The following EEA1 variants were observed in gnomAD, a reference collection of about 807,000 sequenced individuals.
The protein encoded by EEA1 is early endosome antigen 1, 162kD.
A neutral mutation model predicts 209.2 loss-of-function variants in EEA1; 111 were observed. The ratio of observed to expected loss-of-function variants is 0.53; its 90% CI spans 0.45 to 0.62. The LOEUF (loss-of-function observed/expected upper bound fraction) is 0.62, where lower values mean the gene tolerates loss of function less well. Among genes scored for constraint, EEA1 ranks in the 20% least tolerant of loss-of-function variants. The pLI, the probability that EEA1 is intolerant of heterozygous loss-of-function variation, is 0.00. For synonymous variants in EEA1, 536 were observed against 540.6 expected (o/e 0.99, Z 0.12); for missense variants, 1,343 against 1,530.8 (o/e 0.88, Z 2.05).
rs746654891 is a variant in EEA1, at chr12:92,801,694, G to A, written c.2678C>T (p.Thr893Ile). The A allele has an allele frequency of 2.1e-5, 33 of 1,576,678 alleles. No individual in the cohort carries two copies. The highest frequency in any genetic ancestry group is 2.8e-5 in the Non-Finnish European group (33 of 1,166,096). Residue 893 changes from threonine to isoleucine, a missense_variant, in exon 20 of 29, where the codon ACT becomes ATT. Physicochemically the swap from Thr to Ile is moderately conservative, Grantham distance 89 (BLOSUM62 -1). Coordinates refer to ENST00000322349, the MANE Select transcript of EEA1 (RefSeq NM_003566.4). ...GKAAILDLEKTCKELKHQLQV... is the reference protein window; with the variant it reads ...GKAAILDLEKICKELKHQLQV... ...AAGTTGATGCTTTAATTCTTTGCAA[G>A]TTTTTTCCTTAAAAAAAATGAAAAC...
At chr12:92,893,678 C>T (rs61257642) in intron 1 of EEA1, among the ~76,000 whole-genome samples, 39,192 of 151,612 alleles carry the variant, frequency 0.26, 5,563 homozygotes, top group Non-Finnish European at 0.32. Context: ...AGAAATATTC[C>T]AAAATTCAAA....
chr12:92,903,598 CA>C (rs1009767907), intron 1 of EEA1, among the ~76,000 whole-genome samples: 24 of 125,748 alleles, frequency 1.9e-4, no homozygotes, highest in Non-Finnish European at 2.2e-4. Context: ...AACTCCATCT[CA>C]AAAAAAAAAG....
At chr12:92,860,633 G>A (rs982297479) in intron 3 of EEA1, among the ~76,000 whole-genome samples, 2 of 152,052 alleles carry the variant, frequency 1.3e-5, no homozygotes, top group Non-Finnish European at 2.9e-5. Context: ...GAAAAACCTT[G>A]GGTTTGACCT....
At chr12:92,842,422 C>T (rs1413744343) in intron 10 of EEA1, 43 bp downstream of exon 10, 1 of 929,722 alleles carries the variant, frequency 1.1e-6, no homozygotes, top group Non-Finnish European at 1.7e-6. Context: ...ATTTAAAATA[C>T]ATAAAATCAA....
chr12:92,862,124 ATGTCATCCACAG>A (rs1411657417), intron 3 of EEA1, among the ~76,000 whole-genome samples: 2 of 152,242 alleles, frequency 1.3e-5, no homozygotes, highest in African/African-American at 4.8e-5. Flanking sequence ...TCATAGTCAC[ATGTCATCCACAG>A]TGTTATAGTG....
At chr12:92,854,240 T>C (rs973627207) in intron 5 of EEA1, among the ~76,000 whole-genome samples, 18 of 152,176 alleles carry the variant, frequency 1.2e-4, no homozygotes, top group Non-Finnish European at 2.2e-4. Context: ...AATTCAGTAA[T>C]AAATAAATAG....
intron 1 of EEA1, among the ~76,000 whole-genome samples, chr12:92,916,482 G>A (rs955222974): frequency 2.7e-4 from 40 of 150,260 alleles, no homozygotes; most frequent in Middle Eastern, 3.4e-3. Flanking sequence ...GTGAAACCCC[G>A]TCTCTACTAA....
At chr12:92,856,767 C>CTT (rs57579359) in intron 5 of EEA1, among the ~76,000 whole-genome samples, 7,583 of 86,608 alleles carry the variant, frequency 0.088, 861 homozygotes, top group African/African-American at 0.14. Context: ...ATACCTGATT[C>CTT]TTTTTTTTTT....
chr12:92,787,455 G>A (rs957864662), intron 22 of EEA1, among the ~76,000 whole-genome samples: 2 of 151,886 alleles, frequency 1.3e-5, no homozygotes, highest in African/African-American at 4.8e-5. Flanking sequence ...TAATCATTAG[G>A]CAATCCAGTA....
At chr12:92,843,914 T>C (rs1422440836) in intron 9 of EEA1, among the ~76,000 whole-genome samples, 2 of 152,140 alleles carry the variant, frequency 1.3e-5, no homozygotes, top group Admixed American at 1.3e-4. Context: ...ATTTAAGAGA[T>C]CATTGGCTGA....
At position 92,852,938 on chromosome 12, in the gene EEA1, G is replaced by T; in HGVS notation, c.494C>A (p.Ala165Glu). 1 of 1,610,828 alleles carries T rather than the reference G, an allele frequency of 6.2e-7. No individual in the cohort carries two copies. The highest frequency in any genetic ancestry group is 8.5e-7 in the Non-Finnish European group (1 of 1,178,824). ...KQMKDLFEQKAAQLATEIADI... is the reference protein window; with the variant it reads ...KQMKDLFEQKEAQLATEIADI... ...TGCAATTTCAGTAGCAAGTTGGGCT[G>T]CTTTCTGTTCAAATAAGTCTTTCAT... The change falls in exon 7 of 29, where the codon GCA (alanine) becomes GAA (glutamate). Residue 165 changes from alanine (A) to glutamate (E), a missense_variant. Physicochemically the swap from Ala to Glu is moderately radical, Grantham distance 107. Around this residue, in one of 3 missense-constraint regions of EEA1, gnomAD observed 1,307 missense variants for 1,465.5 expected, o/e 0.89. Coordinates refer to ENST00000322349, the MANE Select transcript of EEA1 (RefSeq NM_003566.4).
Position 92,839,637 on chromosome 12 carries a change from T to A in EEA1, c.915+2828A>T, listed in dbSNP as rs146417646. On this transcript the variant is annotated intron_variant, in intron 10 of 28. Transcript: ENST00000322349. Reference sequence around the variant, plus strand: ...TGAATTCTTTTGTTTTAGAAAATGGTCATTTTTCATAAGAAATGCTATTTA... The same window carrying A: ...TGAATTCTTTTGTTTTAGAAAATGGACATTTTTCATAAGAAATGCTATTTA... 5.3e-3 allele frequency among the ~76,000 whole-genome samples: 812 copies of A among 152,352 alleles called. 9 individuals carry two copies. Among genetic ancestry groups the A allele is most frequent in the African/African-American group, 0.019 (779 of 41,588 alleles).
rs148734016 is a variant in EEA1 at position 92,783,568 on chromosome 12, G to A, written c.3151-1433C>T. 4.2e-3 allele frequency among the ~76,000 whole-genome samples: 641 copies of A among 152,270 alleles called. 4 individuals carry two copies. Among genetic ancestry groups the A allele is most frequent in the African/African-American group, 0.013 (541 of 41,540 alleles). On this transcript the variant is annotated intron_variant, in intron 22 of 28. Transcript: ENST00000322349. ...ACACTGTCCTCTTCTCATCTATATC[G>A]TAGAAGTAGTGATTGTCATTTAACA... is the stretch of plus-strand genomic sequence containing the variant.
rs556363234 is a variant in EEA1 at position 92,883,882 on chromosome 12, T to C, written c.117+7747A>G. 2.0e-5 allele frequency: 32 copies of C among 1,596,452 alleles called. No homozygotes were observed. The Admixed American group carries it at 4.0e-4, about 20-fold the overall frequency. ...GAGCCTGAGGAGCCATTTTGAGCAA[T>C]GGGGAACGCTCACGGACTGTGTGGT... is the stretch of plus-strand genomic sequence containing the variant. On this transcript the variant is annotated intron_variant, in intron 2 of 28. Coordinates refer to ENST00000322349, the MANE Select transcript of EEA1 (RefSeq NM_003566.4).
At chr12:92,798,348 A>ATT (rs566780091) in intron 21 of EEA1, among the ~76,000 whole-genome samples, 8 of 149,802 alleles carry the variant, frequency 5.3e-5, no homozygotes, top group African/African-American at 2.0e-4. Flanking sequence ...TATTATTATT[A>ATT]TTATTTTTTT....
intron 1 of EEA1, 81 bp from the exon 2 acceptor site, chr12:92,891,802 C>T: frequency 1.0e-6 from 1 of 979,862 alleles, no homozygotes; most frequent in South Asian, 1.5e-5. Flanking sequence ...TAATCTAAAC[C>T]TTTTCACATA....
chr12:92,809,223 A>G (rs1169658805), intron 17 of EEA1, 67 bp from the exon 18 acceptor site: 14 of 1,240,648 alleles, frequency 1.1e-5, no homozygotes, highest in South Asian at 2.1e-5. Flanking sequence ...ATTAAATACT[A>G]TAACATTTTT....
chr12:92,909,730 CT>C (rs1301213526), intron 1 of EEA1, among the ~76,000 whole-genome samples: 25 of 152,268 alleles, frequency 1.6e-4, no homozygotes, highest in African/African-American at 5.8e-4. Context: ...TAAAGACAAG[CT>C]TGTGGCCGAG....
intron 15 of EEA1, among the ~76,000 whole-genome samples, chr12:92,813,699 T>A (rs566831435): frequency 6.6e-6 from 1 of 152,334 alleles, no homozygotes; most frequent in Admixed American, 6.5e-5. Context: ...ATACCTTTAG[T>A]ACAACTCACC....
Sources: gnomAD v4.1 joint callset for allele counts (sites outside exome capture counted in the v4.1 genomes callset) on GRCh38, gnomAD v4.1.1 for gene constraint, gnomAD v4.1.1 regional missense constraint, MANE v1.5 for transcripts, NCBI Gene and HGNC (gene_info 2026-07-23, HGNC 2026-07-21) for gene names.